Variants in RALYL observed in about 807,000 individuals in gnomAD.
RALYL encodes RALY RNA binding protein like.
In RALYL, 29 loss-of-function variants were observed where a neutral mutation model predicts 35.1. The ratio of observed to expected loss-of-function variants is 0.83; its 90% CI spans 0.61 to 1.13. RALYL has a LOEUF of 1.13. Among genes scored for constraint, RALYL ranks in the 50% most tolerant of loss-of-function variants. The pLI, the probability that RALYL is intolerant of heterozygous loss-of-function variation, is 0.00. For missense variants in RALYL, 359 were observed against 360.4 expected (o/e 1.00, Z 0.03); for synonymous variants, 120 against 127.6 (o/e 0.94, Z 0.40).
At chr8:84,548,344 A>G (rs2060497501) in intron 2 of RALYL, among the ~76,000 whole-genome samples, 1 of 152,118 alleles carries the variant, frequency 6.6e-6, no homozygotes, top group African/African-American at 2.4e-5. Flanking sequence ...ATGTTTACAG[A>G]TACCTTTTTC....
intron 2 of RALYL, among the ~76,000 whole-genome samples, chr8:84,648,145 G>A (rs962693986): frequency 1.3e-5 from 2 of 151,904 alleles, no homozygotes; most frequent in Non-Finnish European, 2.9e-5. Flanking sequence ...CGACATTGCC[G>A]CTTCATTCTG....
intron 3 of RALYL, among the ~76,000 whole-genome samples, chr8:84,802,747 C>T (rs1208733758): frequency 6.6e-6 from 1 of 152,154 alleles, no homozygotes; most frequent in African/African-American, 2.4e-5. Context: ...TAAAGTGGTG[C>T]AATGCAGTAC....
At chr8:84,198,473 T>C (rs750165351) in intron 1 of RALYL, among the ~76,000 whole-genome samples, 7 of 152,110 alleles carry the variant, frequency 4.6e-5, no homozygotes, top group East Asian at 1.9e-4. Context: ...GAAAATGTGA[T>C]ATCCATCCCC....
At chr8:84,650,983 A>G (rs1482742635) in intron 2 of RALYL, among the ~76,000 whole-genome samples, 1 of 151,916 alleles carries the variant, frequency 6.6e-6, no homozygotes. Context: ...AAAAAACCAA[A>G]CACCGCATAT....
intron 1 of RALYL, among the ~76,000 whole-genome samples, chr8:84,415,206 T>TG (rs1183441965): frequency 0.036 from 4,470 of 125,810 alleles, 254 homozygotes; most frequent in African/African-American, 0.13. Flanking sequence ...CAGACACTCG[T>TG]TTTTTTTTTT....
At chr8:84,246,874 A>G (rs562878247) in intron 1 of RALYL, among the ~76,000 whole-genome samples, 2 of 152,306 alleles carry the variant, frequency 1.3e-5, no homozygotes, top group South Asian at 4.1e-4. Context: ...ATCATCCATC[A>G]GTATTATTTT....
chr8:84,760,868 A>C (rs1352443), intron 2 of RALYL, among the ~76,000 whole-genome samples: 56,969 of 151,936 alleles, frequency 0.37, 13,153 homozygotes, highest in South Asian at 0.57. Context: ...GCTTCTATTT[A>C]TAATTAGATA....
At chr8:84,667,060 A>G (rs115250104) in intron 2 of RALYL, among the ~76,000 whole-genome samples, 332 of 152,240 alleles carry the variant, frequency 2.2e-3, no homozygotes, top group African/African-American at 7.6e-3. Flanking sequence ...GGGTTTTTAA[A>G]ACAAAAGGAA....
intron 1 of RALYL, among the ~76,000 whole-genome samples, chr8:84,519,437 T>G (rs2058298187): frequency 6.6e-6 from 1 of 152,182 alleles, no homozygotes; most frequent in African/African-American, 2.4e-5. Flanking sequence ...AGTCCCTCAT[T>G]GTAGACTCCT....
chr8:84,705,964 C>A, intron 2 of RALYL: 1 of 1,531,236 alleles, frequency 6.5e-7, no homozygotes, highest in South Asian at 1.2e-5. Flanking sequence ...GGAGCACAAC[C>A]CGTCTCTTTG....
intron 2 of RALYL, among the ~76,000 whole-genome samples, chr8:84,608,915 G>A (rs1376990035): frequency 6.6e-6 from 1 of 152,082 alleles, no homozygotes; most frequent in Admixed American, 6.6e-5. Context: ...CACTCAAAGA[G>A]TGTAACATCT....
chr8:84,866,142 A>G (rs542199714), intron 6 of RALYL, among the ~76,000 whole-genome samples: 155 of 152,166 alleles, frequency 1.0e-3, no homozygotes, highest in Non-Finnish European at 1.9e-3. Flanking sequence ...AGAAGGCTTA[A>G]CAGAGGATTT....
rs1838252605 is a variant in RALYL, at chr8:84,862,276, C to T, written c.414-20C>T. 3 of 1,470,012 alleles carry T rather than the reference C, an allele frequency of 2.0e-6. No homozygotes were observed. The highest frequency in any genetic ancestry group is 2.7e-6 in the Non-Finnish European group (3 of 1,101,614). The allele number at this position is 1,470,012 out of a possible 1,614,324, so 91.1% of individuals were successfully genotyped here. On this transcript the variant is annotated intron_variant, in intron 5 of 8. Coordinates refer to ENST00000521268, the MANE Select transcript of RALYL (RefSeq NM_173848.7). ...CTCGGGCATCAAACCAACTCTCAGT[C>T]CCATTTGTGTTTTGTAAAGGTTATT...
chr8:84,547,619 T>C (rs2060451917), intron 2 of RALYL, among the ~76,000 whole-genome samples: 1 of 152,142 alleles, frequency 6.6e-6, no homozygotes, highest in Non-Finnish European at 1.5e-5. Context: ...GACCTTGTGA[T>C]CTGCCCACCT....
intron 1 of RALYL, among the ~76,000 whole-genome samples, chr8:84,439,765 C>T (rs783507): frequency 0.52 from 79,121 of 151,830 alleles, 20,871 homozygotes; most frequent in African/African-American, 0.59. Context: ...ATTTAATAAC[C>T]TGTCAGATTC....
intron 1 of RALYL, among the ~76,000 whole-genome samples, chr8:84,201,527 T>G (rs545843854): frequency 6.6e-6 from 1 of 152,046 alleles, no homozygotes; most frequent in African/African-American, 2.4e-5. Context: ...AGTTATTTAG[T>G]TGCCTAATTG....
At chr8:84,798,646 G>C (rs1822485095) in intron 3 of RALYL, among the ~76,000 whole-genome samples, 1 of 152,148 alleles carries the variant, frequency 6.6e-6, no homozygotes, top group Non-Finnish European at 1.5e-5. Flanking sequence ...GGTTGTCATA[G>C]CTAAAAAGAA....
intron 2 of RALYL, among the ~76,000 whole-genome samples, chr8:84,638,871 A>ATATATATAT (rs1825650615): frequency 2.3e-5 from 2 of 86,258 alleles, no homozygotes; most frequent in African/African-American, 1.5e-4. Context: ...TGCACGCATA[A>ATATATATAT]ATATATATAT....
At chr8:84,877,250 G>T (rs1841337302) in intron 7 of RALYL, among the ~76,000 whole-genome samples, 1 of 152,124 alleles carries the variant, frequency 6.6e-6, no homozygotes. Flanking sequence ...ACTTTGGGAG[G>T]CTGAGGCAAG....
Sources: gnomAD v4.1 joint callset for allele counts (sites outside exome capture counted in the v4.1 genomes callset) on GRCh38, gnomAD v4.1.1 for gene constraint, MANE v1.5 for transcripts, NCBI Gene and HGNC (gene_info 2026-07-23, HGNC 2026-07-21) for gene names.